Variants in STK17A observed in about 807,000 individuals in gnomAD.
STK17A encodes serine/threonine kinase 17a, also known as serine/threonine-protein kinase 17A.
A neutral mutation model predicts 43.7 loss-of-function variants in STK17A; 26 were observed. The ratio of observed to expected loss-of-function variants is 0.60; its 90% confidence interval spans 0.44 to 0.83. The LOEUF (loss-of-function observed/expected upper bound fraction) is 0.83. STK17A is among the 40% of genes least tolerant of loss of function. The pLI is 0.00. For missense variants in STK17A, 476 were observed against 511.6 expected, an observed-to-expected ratio of 0.93 and a Z score of 0.67; for synonymous variants, 191 against 182.5, an observed-to-expected ratio of 1.05 and a Z score of -0.38.
chr7:43,609,965 A>T (rs1583570879), intron 3 of STK17A, among the ~76,000 whole-genome samples: 1 of 152,210 alleles, frequency 6.6e-6, no homozygotes, highest in East Asian at 1.9e-4. Flanking sequence ...TGTTAATACA[A>T]ATTGCTAGGC....
chr7:43,611,218 T>G (rs974549339), intron 3 of STK17A, among the ~76,000 whole-genome samples: 4 of 152,256 alleles, frequency 2.6e-5, no homozygotes, highest in African/African-American at 9.6e-5. Flanking sequence ...GTAGTTTCTT[T>G]TTAAATACTA....
Position 43,594,010 on chromosome 7 carries a change from A to G in STK17A, c.207-1891A>G, listed in dbSNP as rs141870178. Among the ~76,000 whole-genome samples the G allele has an allele frequency of 1.9e-3, 291 of 152,330 alleles. 2 individuals carry two copies. The highest frequency in any genetic ancestry group is 2.8e-3 in the Non-Finnish European group (193 of 68,030). On this transcript the variant is annotated intron_variant, in intron 1 of 6. Coordinates refer to ENST00000319357, the MANE Select transcript of STK17A (RefSeq NM_004760.3). ...TATTGTTCCAGGAGCAACAAAAATA[A>G]TAATGATGTAATGCTTTGATCGATT...
intron 3 of STK17A, among the ~76,000 whole-genome samples, chr7:43,610,625 C>T (rs186498881): frequency 1.3e-3 from 194 of 152,154 alleles, no homozygotes; most frequent in African/African-American, 4.6e-3. Flanking sequence ...TGAGATCACG[C>T]CATTGCACTC....
intron 3 of STK17A, among the ~76,000 whole-genome samples, chr7:43,611,157 T>G (rs1187898328): frequency 6.6e-6 from 1 of 152,074 alleles, no homozygotes; most frequent in African/African-American, 2.4e-5. Flanking sequence ...AATCTGGAGG[T>G]TGACTTCTAC....
At position 43,589,261 on chromosome 7, in the gene STK17A, T is replaced by C. The variant is rs758748697; in HGVS notation, c.206+5812T>C. On this transcript the variant is annotated intron_variant, in intron 1 of 6. Transcript: ENST00000319357. The stretch of plus-strand genomic sequence containing the variant: ...ACTATGGAGATAAAAAGATGAAGAA[T>C]AAGTGAGGTCCCTGAAACTCACAGT... Among the ~76,000 whole-genome samples, 9 of 150,778 alleles carry C rather than the reference T, an allele frequency of 6.0e-5. 1 individual carries two copies. Among genetic ancestry groups the C allele is most frequent in the Non-Finnish European group, 1.3e-4 (9 of 67,292 alleles).
Position 43,624,868 on chromosome 7 carries a change from G to A in STK17A, c.*26G>A. ...GCAATATTTCCCTTTAGAACTTCAAGATTTCTACATTGAAAATGTTAATAT... is the reference window on the plus strand; with the variant it reads ...GCAATATTTCCCTTTAGAACTTCAAAATTTCTACATTGAAAATGTTAATAT... On this transcript the variant is annotated 3_prime_UTR_variant, in exon 7 of 7. Coordinates refer to ENST00000319357, the MANE Select transcript of STK17A (RefSeq NM_004760.3). The A allele has an allele frequency of 6.5e-7, 1 of 1,546,244 alleles. No homozygotes were observed. Among genetic ancestry groups the A allele is most frequent in the Non-Finnish European group, 8.7e-7 (1 of 1,145,626 alleles).
intron 3 of STK17A, among the ~76,000 whole-genome samples, chr7:43,611,110 C>G (rs192532824): frequency 3.3e-5 from 5 of 152,272 alleles, no homozygotes; most frequent in Admixed American, 3.3e-4. Context: ...GAATGAGACT[C>G]CGTCTCAAAA....
At chr7:43,595,866 CAACTTT>C in intron 1 of STK17A, 29 bp from the exon 2 acceptor site, 3 of 1,589,728 alleles carry the variant, frequency 1.9e-6, no homozygotes, top group Non-Finnish European at 2.6e-6. Context: ...GGAAAGTTGT[CAACTTT>C]AACAGTGAAT....
intron 2 of STK17A, among the ~76,000 whole-genome samples, chr7:43,601,967 A>G (rs947853767): frequency 3.3e-5 from 5 of 151,930 alleles, no homozygotes; most frequent in Non-Finnish European, 7.4e-5. Flanking sequence ...CATTCATGAG[A>G]TACCTAGCCT....
intron 3 of STK17A, among the ~76,000 whole-genome samples, chr7:43,610,847 T>G (rs1214064314): frequency 6.6e-6 from 1 of 152,168 alleles, no homozygotes; most frequent in East Asian, 1.9e-4. Context: ...CTGGGCGCAG[T>G]GGCTCATGCC....
chr7:43,606,705 T>C (rs1331665264), intron 2 of STK17A, among the ~76,000 whole-genome samples: 3 of 152,104 alleles, frequency 2.0e-5, no homozygotes, highest in Non-Finnish European at 2.9e-5. Context: ...GTTACTATAC[T>C]TGAGAGATGC....
chr7:43,624,440 CAATA>C, intron 6 of STK17A, 74 bp from the exon 7 acceptor site: 1 of 1,350,486 alleles, frequency 7.4e-7, no homozygotes, highest in South Asian at 1.7e-5. Context: ...AAATATAATG[CAATA>C]AATACAGTAC....
Position 43,624,954 on chromosome 7 carries a change from C to G in STK17A, c.*112C>G. The G allele has an allele frequency of 2.0e-6, 2 of 984,096 alleles. No individual in the cohort carries two copies. Among genetic ancestry groups the G allele is most frequent in the Non-Finnish European group, 2.9e-6 (2 of 698,554 alleles). 61.0% of individuals were successfully genotyped at this position (984,096 alleles called of 1,614,324 possible). A position where few individuals can be genotyped will look rare whatever the true frequency, so the allele number is the denominator to read the frequency against. On this transcript the variant is annotated 3_prime_UTR_variant, in exon 7 of 7. Coordinates refer to ENST00000319357, the MANE Select transcript of STK17A (RefSeq NM_004760.3). ...GGAAGTGGATAACCAGTATCACTTA[C>G]ACAAACAAAAATAACTTTGTCAAAT...
intron 3 of STK17A, among the ~76,000 whole-genome samples, chr7:43,617,396 C>T (rs1583691212): frequency 6.6e-6 from 1 of 152,252 alleles, no homozygotes; most frequent in Non-Finnish European, 1.5e-5. Context: ...CTTTAATTTT[C>T]CGTAGATGGA....
intron 1 of STK17A, among the ~76,000 whole-genome samples, chr7:43,594,645 T>G (rs542898800): frequency 1.9e-4 from 29 of 152,306 alleles, no homozygotes; most frequent in Non-Finnish European, 3.8e-4. Flanking sequence ...TTTGTGTGAT[T>G]AGTAATATTT....
intron 1 of STK17A, among the ~76,000 whole-genome samples, chr7:43,586,526 T>G (rs1362947540): frequency 1.3e-5 from 2 of 151,524 alleles, no homozygotes; most frequent in African/African-American, 4.8e-5. Context: ...TCAGGATGTA[T>G]GCCAATGTAA....
intron 1 of STK17A, among the ~76,000 whole-genome samples, chr7:43,593,148 G>A (rs1478469662): frequency 6.6e-6 from 1 of 152,168 alleles, no homozygotes; most frequent in Non-Finnish European, 1.5e-5. Context: ...ACTTAAAAGT[G>A]AAAACAGGCA....
intron 1 of STK17A, among the ~76,000 whole-genome samples, chr7:43,593,042 T>TA (rs1181403114): frequency 6.6e-6 from 1 of 152,248 alleles, no homozygotes; most frequent in Non-Finnish European, 1.5e-5. Context: ...GCGTACATTG[T>TA]ACCCAATAGG....
In STK17A at chr7:43,596,987, G is replaced by T. The variant is rs1052558409; in HGVS notation, c.419+874G>T. On this transcript the variant is annotated intron_variant, in intron 2 of 6. Coordinates refer to ENST00000319357, the MANE Select transcript of STK17A (RefSeq NM_004760.3). ...AGATCAGCCTAAGCAACATAACAAA[G>T]ACCCTGTCTCTTTTAAAAAATAATT... is the stretch of plus-strand genomic sequence containing the variant. Among the ~76,000 whole-genome samples, 3 of 150,088 alleles carry T rather than the reference G, an allele frequency of 2.0e-5. No individual in the cohort carries two copies. In the South Asian group the frequency reaches 6.3e-4, roughly 32 times the overall value.
Sources: allele counts gnomAD v4.1 joint callset (sites outside exome capture counted in the v4.1 genomes callset), GRCh38; gene constraint gnomAD v4.1.1; transcripts MANE v1.5; gene names NCBI Gene and HGNC (gene_info 2026-07-23, HGNC 2026-07-21).